PPP2R2B: variants seen among roughly 807,000 people sequenced by gnomAD.
PPP2R2B encodes serine/threonine-protein phosphatase 2A 55 kDa regulatory subunit B beta isoform.
PPP2R2B carries 5 observed loss-of-function variants against 46.0 expected under a neutral mutation model. That is an observed-to-expected ratio of 0.11 (90% CI 0.06 to 0.23). The LOEUF is 0.23. PPP2R2B is among the 10% of genes least tolerant of loss of function. PPP2R2B has a pLI of 1.00. For missense variants in PPP2R2B, 367 were observed against 575.0 expected, an observed-to-expected ratio of 0.64 and a Z score of 3.70; for synonymous variants, 215 against 206.7, an observed-to-expected ratio of 1.04 and a Z score of -0.34.
chr5:146,832,503 T>C (rs1759020170), intron 2 of PPP2R2B, among the ~76,000 whole-genome samples: 1 of 146,030 alleles, frequency 6.8e-6, no homozygotes, highest in African/African-American at 2.5e-5. Flanking sequence ...GTGATTCTCC[T>C]GCCTCAGCCT....
intron 1 of PPP2R2B, among the ~76,000 whole-genome samples, chr5:147,049,841 A>C (rs919913026): frequency 2.0e-5 from 3 of 152,206 alleles, no homozygotes; most frequent in African/African-American, 4.8e-5. Flanking sequence ...GCATGATAGA[A>C]AGTGCAAATC....
At chr5:146,806,952 C>T (rs1382700298) in intron 2 of PPP2R2B, among the ~76,000 whole-genome samples, 1 of 152,188 alleles carries the variant, frequency 6.6e-6, no homozygotes, top group African/African-American at 2.4e-5. Context: ...AGGTCTACCC[C>T]TGTGGGTCTC....
intron 1 of PPP2R2B, among the ~76,000 whole-genome samples, chr5:147,005,568 T>A (rs1580788519): frequency 6.6e-6 from 1 of 152,080 alleles, no homozygotes; most frequent in South Asian, 2.1e-4. Context: ...GAGGTGGCAG[T>A]CTTATACTGC....
intron 2 of PPP2R2B, among the ~76,000 whole-genome samples, chr5:146,728,026 C>T (rs958923649): frequency 2.6e-5 from 4 of 151,282 alleles, no homozygotes; most frequent in Non-Finnish European, 4.4e-5. Context: ...TGAGATAATT[C>T]TATTTCTCAG....
At chr5:146,774,087 A>G (rs188906776) in intron 2 of PPP2R2B, among the ~76,000 whole-genome samples, 407 of 152,312 alleles carry the variant, frequency 2.7e-3, no homozygotes, top group African/African-American at 9.3e-3. Context: ...CCTTGGACTA[A>G]TCCTAATCAA....
intron 2 of PPP2R2B, among the ~76,000 whole-genome samples, chr5:147,073,028 T>C (rs1293182022): frequency 6.6e-6 from 1 of 152,176 alleles, no homozygotes; most frequent in Non-Finnish European, 1.5e-5. Flanking sequence ...AAAAACCATG[T>C]GGTGATGTCC....
At chr5:146,724,617 G>A (rs1167188244) in intron 2 of PPP2R2B, among the ~76,000 whole-genome samples, 4 of 152,122 alleles carry the variant, frequency 2.6e-5, no homozygotes, top group African/African-American at 9.7e-5. Context: ...ATATACATGT[G>A]CACACAAACA....
At chr5:147,056,538 T>C (rs950494882), upstream of PPP2R2B, among the ~76,000 whole-genome samples, 7 of 152,072 alleles carry the variant, frequency 4.6e-5, no homozygotes, top group Admixed American at 1.3e-4. Context: ...AACGCAAGAA[T>C]AGAGACTAAA....
At chr5:146,663,999 G>A (rs575627431) in intron 5 of PPP2R2B, among the ~76,000 whole-genome samples, 16 of 151,924 alleles carry the variant, frequency 1.1e-4, no homozygotes, top group Non-Finnish European at 1.8e-4. Context: ...GTGCCACCAC[G>A]CCTGGGTAAT....
chr5:146,995,020 G>A (rs768308298), intron 1 of PPP2R2B, among the ~76,000 whole-genome samples: 1 of 152,154 alleles, frequency 6.6e-6, no homozygotes, highest in Non-Finnish European at 1.5e-5. Context: ...CTCCCTAGAG[G>A]CAGTGGTATG....
At chr5:146,633,955 C>A (rs1008525133) in intron 7 of PPP2R2B, among the ~76,000 whole-genome samples, 1 of 152,148 alleles carries the variant, frequency 6.6e-6, no homozygotes. Flanking sequence ...ATTGCAGTTG[C>A]GATGCTATAT....
At chr5:146,716,433 A>G (rs1780503235) in intron 2 of PPP2R2B, among the ~76,000 whole-genome samples, 1 of 152,222 alleles carries the variant, frequency 6.6e-6, no homozygotes, top group Admixed American at 6.5e-5. Context: ...TGATGAATAA[A>G]AGAATGTAAA....
chr5:146,683,734 T>A (rs1778317473), intron 5 of PPP2R2B, among the ~76,000 whole-genome samples: 1 of 152,200 alleles, frequency 6.6e-6, no homozygotes, highest in Non-Finnish European at 1.5e-5. Context: ...CACAAAGGCT[T>A]GTCAGTGAGG....
At chr5:146,787,438 AC>A (rs1163773785) in intron 2 of PPP2R2B, among the ~76,000 whole-genome samples, 1 of 152,198 alleles carries the variant, frequency 6.6e-6, no homozygotes, top group Non-Finnish European at 1.5e-5. Context: ...AACTGGCTGA[AC>A]AAAAGCCTTC....
chr5:146,644,150 T>C (rs895215446), intron 6 of PPP2R2B, among the ~76,000 whole-genome samples: 9 of 149,028 alleles, frequency 6.0e-5, no homozygotes, highest in South Asian at 2.1e-4. Context: ...GTATTATTTG[T>C]ATTAAAAATA....
intron 1 of PPP2R2B, among the ~76,000 whole-genome samples, chr5:146,898,448 C>T (rs1303451587): frequency 6.6e-6 from 1 of 152,026 alleles, no homozygotes; most frequent in Non-Finnish European, 1.5e-5. Flanking sequence ...TGGATCCCTT[C>T]CTTACACCTT....
intron 1 of PPP2R2B, among the ~76,000 whole-genome samples, chr5:146,886,113 C>A (rs907837649): frequency 6.6e-6 from 1 of 151,962 alleles, no homozygotes; most frequent in African/African-American, 2.4e-5. Context: ...CCGAGGCGGG[C>A]GGATCACGAG....
intron 1 of PPP2R2B, chr5:147,035,068 C>T (rs187704551): frequency 2.2e-6 from 1 of 454,964 alleles, no homozygotes; most frequent in African/African-American, 2.0e-5. Flanking sequence ...CATTTAACAT[C>T]ATTCCCAGAA....
intron 5 of PPP2R2B, among the ~76,000 whole-genome samples, chr5:146,660,122 C>T (rs1472722032): frequency 1.3e-5 from 2 of 152,126 alleles, no homozygotes; most frequent in East Asian, 3.9e-4. Context: ...ACAATATGGA[C>T]GCTCATCCAA....
Sources: gnomAD v4.1 joint callset for allele counts (sites outside exome capture counted in the v4.1 genomes callset) on GRCh38, gnomAD v4.1.1 for gene constraint, MANE v1.5 for transcripts, NCBI Gene and HGNC (gene_info 2026-07-23, HGNC 2026-07-21) for gene names.